The following ATP8B4 variants were observed in gnomAD, a reference collection of about 807,000 sequenced individuals.
The protein encoded by ATP8B4 is ATPase phospholipid transporting 8B4 (putative).
A neutral mutation model predicts 145.6 loss-of-function variants in ATP8B4; 133 were observed. That is an observed-to-expected ratio of 0.91 (90% CI 0.79 to 1.05). The LOEUF is 1.05. ATP8B4 is among the 50% of genes least tolerant of loss of function. The pLI is 0.00. For missense variants in ATP8B4, 1,458 were observed against 1,425.2 expected (o/e 1.02, Z -0.37); for synonymous variants, 507 against 492.9 (o/e 1.03, Z -0.38).
chr15:50,026,720 T>G (rs1195535441), intron 6 of ATP8B4, among the ~76,000 whole-genome samples: 2 of 152,220 alleles, frequency 1.3e-5, no homozygotes, highest in Admixed American at 6.5e-5. Context: ...AGAGCAGGAC[T>G]GAACCTCAGC....
intron 1 of ATP8B4, among the ~76,000 whole-genome samples, chr15:50,176,079 A>G (rs541819086): frequency 2.6e-5 from 4 of 151,614 alleles, no homozygotes; most frequent in Non-Finnish European, 4.4e-5. Flanking sequence ...ATATATATAT[A>G]CCACAGAGTA....
intron 6 of ATP8B4, among the ~76,000 whole-genome samples, chr15:50,025,459 T>A (rs1356927183): frequency 6.6e-6 from 1 of 152,174 alleles, no homozygotes; most frequent in Non-Finnish European, 1.5e-5. Context: ...CTCCTTCCCC[T>A]CCACAGGACC....
chr15:50,128,292 T>C (rs956967683), intron 1 of ATP8B4, among the ~76,000 whole-genome samples: 3 of 152,208 alleles, frequency 2.0e-5, no homozygotes, highest in Non-Finnish European at 4.4e-5. Flanking sequence ...TGGAGTCACA[T>C]GGAAAATCTA....
intron 14 of ATP8B4, among the ~76,000 whole-genome samples, chr15:49,950,525 T>C (rs1333871293): frequency 6.6e-6 from 1 of 151,156 alleles, no homozygotes; most frequent in Non-Finnish European, 1.5e-5. Flanking sequence ...TCATTTTTTA[T>C]TGTGTCTGTT....
chr15:50,031,378 C>T (rs188334243), intron 6 of ATP8B4, among the ~76,000 whole-genome samples: 29 of 152,098 alleles, frequency 1.9e-4, no homozygotes, highest in Middle Eastern at 3.4e-3. Context: ...TAAAAGACTC[C>T]GGTAGTTGGT....
intron 12 of ATP8B4, among the ~76,000 whole-genome samples, chr15:49,975,471 TA>T (rs951497549): frequency 6.6e-6 from 1 of 152,156 alleles, no homozygotes; most frequent in Non-Finnish European, 1.5e-5. Context: ...GCTATGTAAA[TA>T]GTTGTTATAC....
At chr15:49,877,931 T>G (rs965683055) in intron 24 of ATP8B4, among the ~76,000 whole-genome samples, 2 of 152,220 alleles carry the variant, frequency 1.3e-5, no homozygotes, top group Non-Finnish European at 2.9e-5. Flanking sequence ...ACTTATTGGC[T>G]GTGTGGCTTT....
chr15:49,890,142 TC>T (rs1262637198), intron 23 of ATP8B4, among the ~76,000 whole-genome samples: 1 of 152,264 alleles, frequency 6.6e-6, no homozygotes, highest in Non-Finnish European at 1.5e-5. Context: ...ACTCTGTTGT[TC>T]CTGGGGGGCC....
chr15:49,961,973 A>G lies in ATP8B4; in HGVS notation c.1287+4T>C, dbSNP rs972956191. On this transcript the variant is annotated splice_donor_region_variant and intron_variant, in intron 14 of 27. Transcript: ENST00000284509. ...CTAAGAATAAAATTTTATCACTTCC[A>G]CACCTGAGTTATTTCTGTCTTCTGA... The G allele has an allele frequency of 4.4e-6, 7 of 1,592,252 alleles. No individual in the cohort carries two copies. The African/African-American group carries it at 9.5e-5, about 22-fold the overall frequency.
intron 1 of ATP8B4, among the ~76,000 whole-genome samples, chr15:50,147,399 G>C (rs964074786): frequency 1.5e-5 from 2 of 135,882 alleles, no homozygotes; most frequent in African/African-American, 2.9e-5. Context: ...CTGGGTGACA[G>C]AGAGAAAGAG....
rs544978015 is a variant in ATP8B4 at position 50,114,699 on chromosome 15, C to T, written c.-43+4424G>A. Among the ~76,000 whole-genome samples the T allele has an allele frequency of 2.6e-5, 4 of 152,312 alleles. No homozygotes were observed. In the East Asian group the frequency reaches 5.8e-4, roughly 22 times the overall value. On this transcript the variant is annotated intron_variant, in intron 1 of 27. Coordinates refer to ENST00000284509, the MANE Select transcript of ATP8B4 (RefSeq NM_024837.4). ...TCTCCTCTGTGGACAATCAGAGTAACTCATAGGATCACTAGGAAAACTAAA... is the reference window on the plus strand; with the variant it reads ...TCTCCTCTGTGGACAATCAGAGTAATTCATAGGATCACTAGGAAAACTAAA...
intron 24 of ATP8B4, 47 bp from the exon 25 acceptor site, chr15:49,876,570 G>C (rs937200802): frequency 1.9e-6 from 3 of 1,609,048 alleles, no homozygotes; most frequent in Non-Finnish European, 2.5e-6. Flanking sequence ...AAAAGAGTCA[G>C]AGAGGCCTTG....
intron 1 of ATP8B4, among the ~76,000 whole-genome samples, chr15:50,156,111 TATATATAA>T (rs2044412613): frequency 2.2e-4 from 4 of 18,142 alleles, no homozygotes; most frequent in Admixed American, 1.4e-3. Context: ...TATATAAATA[TATATATAA>T]ATATATTTAT....
chr15:50,148,439 TG>T (rs1253118728), intron 1 of ATP8B4, among the ~76,000 whole-genome samples: 1 of 152,072 alleles, frequency 6.6e-6, no homozygotes, highest in Non-Finnish European at 1.5e-5. Flanking sequence ...TATTAAGAGG[TG>T]GGGCCTTTAA....
intron 14 of ATP8B4, 75 bp from the exon 15 acceptor site, chr15:49,934,257 TCCCCC>T: frequency 6.8e-7 from 1 of 1,477,728 alleles, no homozygotes; most frequent in Non-Finnish European, 9.1e-7. Context: ...CAAAAATAGT[TCCCCC>T]AAGTATTTTT....
intron 2 of ATP8B4, among the ~76,000 whole-genome samples, chr15:50,077,383 G>T (rs2054250390): frequency 6.6e-6 from 1 of 152,160 alleles, no homozygotes; most frequent in African/African-American, 2.4e-5. Flanking sequence ...AAGAGTAGTG[G>T]CTAGCAGAGG....
intron 24 of ATP8B4, among the ~76,000 whole-genome samples, chr15:49,877,682 C>T (rs1014288362): frequency 6.6e-6 from 1 of 152,208 alleles, no homozygotes. Context: ...GTTACTTAAT[C>T]CGCCTGAGCC....
intron 6 of ATP8B4, among the ~76,000 whole-genome samples, chr15:50,021,128 A>ATAGC (rs1218782683): frequency 7.7e-6 from 1 of 129,810 alleles, no homozygotes; most frequent in Non-Finnish European, 1.8e-5. Flanking sequence ...TGATAGATAG[A>ATAGC]TAGATAGATA....
chr15:49,905,186 C>G (rs1022980187), intron 20 of ATP8B4, among the ~76,000 whole-genome samples: 2 of 152,176 alleles, frequency 1.3e-5, no homozygotes, highest in East Asian at 3.9e-4. Flanking sequence ...TGAAACAAGC[C>G]GTATGTATGA....
Sources: allele counts gnomAD v4.1 joint callset (sites outside exome capture counted in the v4.1 genomes callset), GRCh38; gene constraint gnomAD v4.1.1; transcripts MANE v1.5; gene names NCBI Gene and HGNC (gene_info 2026-07-23, HGNC 2026-07-21).